Variants in GPC5 observed in about 807,000 individuals in gnomAD.
The protein encoded by GPC5 is glypican-5.
In GPC5, 47 loss-of-function variants were observed where a neutral mutation model predicts 53.9. The ratio of observed to expected loss-of-function variants is 0.87; its 90% CI spans 0.69 to 1.11. The LOEUF is 1.11. Among genes scored for constraint, GPC5 ranks in the 50% most tolerant of loss-of-function variants. The pLI is 0.00. For missense variants in GPC5, 748 were observed against 713.1 expected (o/e 1.05, Z -0.56); for synonymous variants, 286 against 263.3 (o/e 1.09, Z -0.84).
chr13:92,600,528 G>A (rs1884014400), intron 7 of GPC5, among the ~76,000 whole-genome samples: 2 of 150,654 alleles, frequency 1.3e-5, no homozygotes, highest in South Asian at 2.1e-4. Context: ...ACGGAATTTC[G>A]CTCTTGTCAC....
chr13:92,740,148 T>C (rs1181834673), intron 7 of GPC5, among the ~76,000 whole-genome samples: 1 of 152,008 alleles, frequency 6.6e-6, no homozygotes, highest in African/African-American at 2.4e-5. Flanking sequence ...GCATTTGCAG[T>C]TGGTGTACCC....
chr13:91,965,257 A>G (rs2040170178), intron 6 of GPC5, among the ~76,000 whole-genome samples: 1 of 152,128 alleles, frequency 6.6e-6, no homozygotes, highest in South Asian at 2.1e-4. Flanking sequence ...CTAGAATATT[A>G]CCTAACTCAT....
intron 7 of GPC5, among the ~76,000 whole-genome samples, chr13:92,669,521 A>G (rs1300221501): frequency 1.3e-5 from 2 of 152,142 alleles, no homozygotes; most frequent in East Asian, 1.9e-4. Context: ...GGCTTGGCCA[A>G]TGTCAGGTGG....
At chr13:91,435,900 C>A (rs1879901999) in intron 1 of GPC5, among the ~76,000 whole-genome samples, 1 of 151,844 alleles carries the variant, frequency 6.6e-6, no homozygotes, top group South Asian at 2.1e-4. Flanking sequence ...TCAACTTCTT[C>A]CTGGTTTAGT....
intron 2 of GPC5, among the ~76,000 whole-genome samples, chr13:91,535,571 C>T (rs541342310): frequency 6.6e-6 from 1 of 151,982 alleles, no homozygotes; most frequent in East Asian, 1.9e-4. Context: ...ACCAATTATT[C>T]CTGGGGTGCC....
At chr13:92,338,600 C>T (rs1239916274) in intron 7 of GPC5, among the ~76,000 whole-genome samples, 3 of 152,110 alleles carry the variant, frequency 2.0e-5, no homozygotes, top group African/African-American at 4.8e-5. Flanking sequence ...ATGGAAAGAA[C>T]ATTACAGGCA....
chr13:92,622,956 A>T (rs1594357093), intron 7 of GPC5, among the ~76,000 whole-genome samples: 2 of 152,206 alleles, frequency 1.3e-5, no homozygotes, highest in South Asian at 4.1e-4. Context: ...GGAAGAAGAA[A>T]GGAATGAAAT....
rs1875765611 is a variant in GPC5 at position 92,775,355 on chromosome 13, A to G, written c.1562-90927A>G. ...TAGTGACCAATAAGTACTTTTTGGCATCTAAAAATCTCACTGTAGCACAAC... is the reference window on the plus strand; with the variant it reads ...TAGTGACCAATAAGTACTTTTTGGCGTCTAAAAATCTCACTGTAGCACAAC... On this transcript the variant is annotated intron_variant, in intron 7 of 7. Transcript: ENST00000377067. 2.0e-5 allele frequency among the ~76,000 whole-genome samples: 3 copies of G among 152,214 alleles called. 1 individual carries two copies. The South Asian group carries it at 6.2e-4, about 31-fold the overall frequency.
chr13:92,782,596 C>T (rs998517137), intron 7 of GPC5, among the ~76,000 whole-genome samples: 1 of 152,162 alleles, frequency 6.6e-6, no homozygotes, highest in African/African-American at 2.4e-5. Context: ...CTACGGCAGT[C>T]ACGCGTTTAT....
chr13:91,544,783 G>A (rs759494497), intron 2 of GPC5, among the ~76,000 whole-genome samples: 1 of 152,052 alleles, frequency 6.6e-6, no homozygotes, highest in African/African-American at 2.4e-5. Flanking sequence ...TTATTATCTC[G>A]CAATTTCTGA....
intron 7 of GPC5, among the ~76,000 whole-genome samples, chr13:92,182,738 G>A (rs1182051962): frequency 6.6e-6 from 1 of 152,046 alleles, no homozygotes; most frequent in East Asian, 1.9e-4. Context: ...GCGCGGTGGT[G>A]GGCGCCTGCA....
At chr13:92,336,214 A>G (rs1361139776) in intron 7 of GPC5, among the ~76,000 whole-genome samples, 1 of 152,226 alleles carries the variant, frequency 6.6e-6, no homozygotes, top group Non-Finnish European at 1.5e-5. Flanking sequence ...CTCAGAAGGC[A>G]TTAAAGGGCA....
intron 2 of GPC5, among the ~76,000 whole-genome samples, chr13:91,617,837 A>G (rs992896216): frequency 6.6e-6 from 1 of 152,172 alleles, no homozygotes; most frequent in African/African-American, 2.4e-5. Context: ...CAAGTCATCT[A>G]GTCTTTATTG....
At chr13:91,817,415 C>T (rs969062443) in intron 5 of GPC5, among the ~76,000 whole-genome samples, 4 of 152,120 alleles carry the variant, frequency 2.6e-5, no homozygotes, top group African/African-American at 9.7e-5. Context: ...TGGAAATGCG[C>T]AGTCATGTCT....
chr13:91,712,943 C>A (rs1467694446), intron 3 of GPC5, among the ~76,000 whole-genome samples: 2 of 152,124 alleles, frequency 1.3e-5, no homozygotes, highest in Non-Finnish European at 2.9e-5. Context: ...GTAATCCCAG[C>A]ACTTTGGGAG....
intron 6 of GPC5, among the ~76,000 whole-genome samples, chr13:91,942,890 A>AT: frequency 6.6e-6 from 1 of 152,248 alleles, no homozygotes; most frequent in Middle Eastern, 3.4e-3. Flanking sequence ...TTAACCATCC[A>AT]TATACATATT....
In GPC5 at chr13:91,803,777, GACAGAC is replaced by G. The variant is rs1271932711; in HGVS notation, c.1280+47361_1280+47366del. 9.7e-5 allele frequency among the ~76,000 whole-genome samples: 11 copies of G among 113,808 alleles called. 1 individual carries two copies. The South Asian group carries it at 4.0e-3, about 41-fold the overall frequency. The allele number at this position is 113,808 out of a possible 152,430, so 74.7% of individuals were successfully genotyped here. ...CATATATAACAGAGACAGACAGACA[GACAGAC>G]ACACACACACACACACACACACAGA... On this transcript the variant is annotated intron_variant, in intron 5 of 7. Transcript: ENST00000377067.
intron 6 of GPC5, among the ~76,000 whole-genome samples, chr13:92,035,405 T>C (rs1349513647): frequency 6.6e-6 from 1 of 152,098 alleles, no homozygotes; most frequent in East Asian, 1.9e-4. Context: ...TGTCTTTTAT[T>C]TTGCTTTTAC....
intron 7 of GPC5, among the ~76,000 whole-genome samples, chr13:92,518,614 G>T (rs1026316830): frequency 6.6e-6 from 1 of 152,068 alleles, no homozygotes; most frequent in East Asian, 1.9e-4. Context: ...CCTTACAAGA[G>T]GCTCCTGAAG....
Sources: allele counts gnomAD v4.1 joint callset (sites outside exome capture counted in the v4.1 genomes callset), GRCh38; gene constraint gnomAD v4.1.1; transcripts MANE v1.5; gene names NCBI Gene and HGNC (gene_info 2026-07-23, HGNC 2026-07-21).